The following TCERG1L variants were observed in gnomAD, a reference collection of about 807,000 sequenced individuals.
The protein encoded by TCERG1L is transcription elongation regulator 1-like protein.
Under a neutral mutation model 56.3 loss-of-function variants are expected in TCERG1L, and 37 were observed. That is an observed-to-expected ratio of 0.66 (90% CI 0.51 to 0.87). TCERG1L has a LOEUF of 0.87. TCERG1L is among the 40% of genes least tolerant of loss of function. The pLI is 0.00. For synonymous variants in TCERG1L, 324 were observed against 326.3 expected, an observed-to-expected ratio of 0.99 and a Z score of 0.08; for missense variants, 799 against 774.2, an observed-to-expected ratio of 1.03 and a Z score of -0.38.
chr10:131,222,826 T>C (rs1019372266), intron 4 of TCERG1L, among the ~76,000 whole-genome samples: 2 of 152,112 alleles, frequency 1.3e-5, no homozygotes, highest in African/African-American at 4.8e-5. Context: ...GGGAGGGTCA[T>C]GAGAGAAGGC....
At position 131,154,017 on chromosome 10, in the gene TCERG1L, C is replaced by T. The variant is rs767065455; in HGVS notation, c.1035-7357G>A. The stretch of plus-strand genomic sequence containing the variant: ...CTCGTTACGGTTGGCTTCCACTGGA[C>T]GGGGCCAGCTGTAACACGCAGAATT... On this transcript the variant is annotated intron_variant, in intron 6 of 11. Transcript: ENST00000368642. 5.7e-4 allele frequency among the ~76,000 whole-genome samples: 86 copies of T among 152,130 alleles called. 1 individual carries two copies. Among genetic ancestry groups the T allele is most frequent in the African/African-American group, 1.8e-3 (75 of 41,430 alleles).
intron 8 of TCERG1L, among the ~76,000 whole-genome samples, chr10:131,133,253 G>C (rs1023877232): frequency 6.6e-6 from 1 of 152,208 alleles, no homozygotes; most frequent in Non-Finnish European, 1.5e-5. Flanking sequence ...CAAAAGGACT[G>C]AAAATGTGAG....
intron 4 of TCERG1L, among the ~76,000 whole-genome samples, chr10:131,187,207 C>A (rs1054265140): frequency 6.6e-6 from 1 of 152,228 alleles, no homozygotes; most frequent in African/African-American, 2.4e-5. Flanking sequence ...AGCAGAGGCA[C>A]GTCGGTCAAA....
chr10:131,127,932 C>A (rs960936368), intron 8 of TCERG1L, among the ~76,000 whole-genome samples: 1 of 152,134 alleles, frequency 6.6e-6, no homozygotes, highest in Non-Finnish European at 1.5e-5. Flanking sequence ...GAGAAACACC[C>A]CCAGGTGGCA....
intron 1 of TCERG1L, among the ~76,000 whole-genome samples, chr10:131,309,734 G>A (rs557364255): frequency 1.4e-4 from 20 of 141,130 alleles, no homozygotes; most frequent in Admixed American, 4.5e-4. Context: ...TACTTTTGTC[G>A]TTTTACAAAT....
intron 4 of TCERG1L, among the ~76,000 whole-genome samples, chr10:131,209,794 AAT>A (rs1400115955): frequency 6.6e-6 from 1 of 152,222 alleles, no homozygotes; most frequent in Non-Finnish European, 1.5e-5. Context: ...TATCTAAATA[AAT>A]ATAGCTATTT....
intron 4 of TCERG1L, among the ~76,000 whole-genome samples, chr10:131,194,844 G>A (rs946727636): frequency 3.9e-5 from 6 of 152,108 alleles, no homozygotes; most frequent in African/African-American, 7.2e-5. Context: ...TCTGAGTCCC[G>A]GAAACATATG....
At chr10:131,159,423 T>A (rs1322703338) in intron 6 of TCERG1L, among the ~76,000 whole-genome samples, 1 of 152,170 alleles carries the variant, frequency 6.6e-6, no homozygotes, top group African/African-American at 2.4e-5. Flanking sequence ...CCCCCTGTGG[T>A]CTTCTTAGAA....
At chr10:131,305,144 G>A (rs569849626) in intron 3 of TCERG1L, among the ~76,000 whole-genome samples, 5 of 152,166 alleles carry the variant, frequency 3.3e-5, no homozygotes, top group Middle Eastern at 3.4e-3. Flanking sequence ...GAGAGCATGC[G>A]CCACTTGCAT....
At chr10:131,124,090 C>G (rs899619173) in intron 8 of TCERG1L, among the ~76,000 whole-genome samples, 4 of 152,256 alleles carry the variant, frequency 2.6e-5, no homozygotes, top group African/African-American at 9.6e-5. Flanking sequence ...CCAAGGTGCT[C>G]CTTTCCTTGC....
At chr10:131,256,992 G>GGAAGGAA (rs1846173015) in intron 4 of TCERG1L, among the ~76,000 whole-genome samples, 5 of 59,214 alleles carry the variant, frequency 8.4e-5, no homozygotes, top group African/African-American at 2.8e-4. Context: ...AAGGAAGGAA[G>GGAAGGAA]GAAAGAAAGA....
chr10:131,109,613 T>C (rs1301346946), intron 9 of TCERG1L, among the ~76,000 whole-genome samples: 2 of 152,194 alleles, frequency 1.3e-5, no homozygotes, highest in African/African-American at 4.8e-5. Flanking sequence ...GGTCCCTCAC[T>C]GCACATTCTC....
chr10:131,132,935 GT>G (rs957020575), intron 8 of TCERG1L, among the ~76,000 whole-genome samples: 7 of 152,236 alleles, frequency 4.6e-5, no homozygotes, highest in African/African-American at 1.7e-4. Flanking sequence ...TCCACGTGCT[GT>G]GGGGCCAGGC....
intron 6 of TCERG1L, among the ~76,000 whole-genome samples, chr10:131,153,902 C>CATGGAGTTGAACCAGAGCGGGT (rs1236018514): frequency 4.6e-5 from 7 of 152,168 alleles, no homozygotes; most frequent in Non-Finnish European, 1.0e-4. Flanking sequence ...TGGGGAAATG[C>CATGGAGTTGAACCAGAGCGGGT]ATGGAGTTGA....
At chr10:131,302,522 G>A (rs925054330) in intron 3 of TCERG1L, among the ~76,000 whole-genome samples, 7 of 151,566 alleles carry the variant, frequency 4.6e-5, no homozygotes, top group African/African-American at 9.7e-5. Context: ...ACGGCTCTGC[G>A]AGCCATCTTT....
chr10:131,215,460 A>G (rs1461650786), intron 4 of TCERG1L, among the ~76,000 whole-genome samples: 1 of 152,168 alleles, frequency 6.6e-6, no homozygotes, highest in Non-Finnish European at 1.5e-5. Context: ...TAATTGGTAA[A>G]AGCCTGAGTC....
intron 3 of TCERG1L, among the ~76,000 whole-genome samples, chr10:131,290,694 TGTAA>T (rs1185149882): frequency 6.6e-6 from 1 of 151,634 alleles, no homozygotes; most frequent in Non-Finnish European, 1.5e-5. Flanking sequence ...CTTTTGTCAC[TGTAA>T]GTGATGTTCT....
Position 131,191,880 on chromosome 10 carries a change from A to AAG in TCERG1L, c.857-24996_857-24995insCT, listed in dbSNP as rs1384522649. ...ACTCCGTCTCAAAAAAAAAAAAAAAAAAAAAAAAAGAAAAAAAGAAAAAGA... is the reference window on the plus strand; with the variant it reads ...ACTCCGTCTCAAAAAAAAAAAAAAAAAGAAAAAAAAAGAAAAAAAGAAAAAGA... On this transcript the variant is annotated intron_variant, in intron 4 of 11. Coordinates refer to ENST00000368642, the MANE Select transcript of TCERG1L (RefSeq NM_174937.4). Among the ~76,000 whole-genome samples, 4 of 138,152 alleles carry AAG rather than the reference A, an allele frequency of 2.9e-5. No homozygotes were observed. The East Asian group carries it at 7.8e-4, about 27-fold the overall frequency. The allele number at this position is 138,152 out of a possible 152,430, so 90.6% of individuals were successfully genotyped here. A position where few individuals can be genotyped will look rare whatever the true frequency, so the allele number is the denominator to read the frequency against.
chr10:131,260,246 G>A lies in TCERG1L; in HGVS notation c.856+13C>T, dbSNP rs549367188. ...AGGCAGCACCAGGCGTCGGGACGGC[G>A]CTCCGAGCCTACCTGAGACGGGGGA... On this transcript the variant is annotated intron_variant, in intron 4 of 11. Transcript: ENST00000368642. The surrounding 1 kb of genome is among the most constrained non-coding windows in gnomAD (Gnocchi z 5.8). 11 of 1,351,526 alleles carry A rather than the reference G, an allele frequency of 8.1e-6. No individual in the cohort carries two copies. Among genetic ancestry groups the A allele is most frequent in the South Asian group, 7.2e-5 (3 of 41,892 alleles). The allele number at this position is 1,351,526 out of a possible 1,614,324, so 83.7% of individuals were successfully genotyped here.
Sources: allele counts gnomAD v4.1 joint callset (sites outside exome capture counted in the v4.1 genomes callset), GRCh38; gene constraint gnomAD v4.1.1; non-coding constraint Gnocchi (gnomAD v3.1); transcripts MANE v1.5; gene names NCBI Gene and HGNC (gene_info 2026-07-23, HGNC 2026-07-21).